Variants in ATAD5 observed in about 807,000 individuals in gnomAD.
ATAD5 encodes the protein ATPase family AAA domain-containing protein 5.
Under a neutral mutation model 176.9 loss-of-function variants are expected in ATAD5, and 58 were observed. The ratio of observed to expected loss-of-function variants is 0.33; its 90% CI spans 0.27 to 0.41. The LOEUF is 0.41. Among genes scored for constraint, ATAD5 ranks in the 10% least tolerant of loss-of-function variants. ATAD5 has a pLI of 1.00. For synonymous variants in ATAD5, 640 were observed against 712.6 expected (o/e 0.90, Z 1.62); for missense variants, 1,789 against 2,094.1 (o/e 0.85, Z 2.84).
At chr17:30,884,748 T>C (rs1436951263) in intron 18 of ATAD5, among the ~76,000 whole-genome samples, 5 of 73,626 alleles carry the variant, frequency 6.8e-5, no homozygotes, top group African/African-American at 3.4e-4. Context: ...TATTTCTTTT[T>C]CTTTTTTTTT....
At position 30,846,776 on chromosome 17, in the gene ATAD5, G is replaced by A. The variant is rs545312108; in HGVS notation, c.2450+1860G>A. ...GCTCTTGTTGCCCAGGCTGGAGTGC[G>A]ATGGTGTGATATCAGCTCACCGCAA... On this transcript the variant is annotated intron_variant, in intron 6 of 22. Transcript: ENST00000321990. 6.8e-5 allele frequency among the ~76,000 whole-genome samples: 10 copies of A among 148,042 alleles called. No individual in the cohort carries two copies. The South Asian group carries it at 8.6e-4, about 13-fold the overall frequency.
intron 6 of ATAD5, among the ~76,000 whole-genome samples, chr17:30,845,541 T>C (rs1488536385): frequency 1.3e-5 from 2 of 152,114 alleles, no homozygotes; most frequent in African/African-American, 4.8e-5. Context: ...ACTGATAGAA[T>C]GCTAGTGTGA....
At chr17:30,848,865 C>T (rs1906695400) in intron 6 of ATAD5, among the ~76,000 whole-genome samples, 1 of 151,856 alleles carries the variant, frequency 6.6e-6, no homozygotes, top group South Asian at 2.1e-4. Flanking sequence ...CATTAGTTTT[C>T]TTTTTCTTTT....
At chr17:30,889,570 T>C (rs1443768112) in intron 19 of ATAD5, among the ~76,000 whole-genome samples, 1 of 151,918 alleles carries the variant, frequency 6.6e-6, no homozygotes, top group Non-Finnish European at 1.5e-5. Flanking sequence ...CTTTCCTAAA[T>C]ACTTTATTAT....
chr17:30,842,381 A>C (rs577623739), intron 4 of ATAD5, among the ~76,000 whole-genome samples: 2 of 152,170 alleles, frequency 1.3e-5, no homozygotes, highest in African/African-American at 4.8e-5. Flanking sequence ...CCTGATATGT[A>C]CTTTTGTATA....
At chr17:30,864,842 A>G (rs548501149) in intron 10 of ATAD5, 1 of 151,864 alleles carries the variant, frequency 6.6e-6, no homozygotes, top group African/African-American at 2.4e-5. Flanking sequence ...TTATGGCTGC[A>G]TACTATCCCA....
intron 1 of ATAD5, 38 bp downstream of exon 1, chr17:30,832,451 T>G (rs972354528): frequency 1.3e-6 from 2 of 1,486,544 alleles, no homozygotes; most frequent in Admixed American, 2.2e-5. Flanking sequence ...TTCCTTCCTC[T>G]ATCTTTTGGG....
intron 9 of ATAD5, among the ~76,000 whole-genome samples, chr17:30,860,056 C>T (rs1413996505): frequency 1.3e-5 from 2 of 151,896 alleles, no homozygotes; most frequent in Non-Finnish European, 2.9e-5. Context: ...CAGGGTCTCA[C>T]TTTGTCGCCC....
At position 30,843,972 on chromosome 17, in the gene ATAD5, G is replaced by A; in HGVS notation, c.2301G>A (p.Gln767=). The change falls in exon 5 of 23, where the codon CAG becomes CAA. Residue 767 remains glutamine (Q), a synonymous_variant. Coordinates refer to ENST00000321990, the MANE Select transcript of ATAD5 (RefSeq NM_024857.5). The part of the protein sequence containing the change: ...PTALKHPEKN[Q]KKLQCLNDVL... Reference sequence around the variant, plus strand: ...CTTTAAAGCATCCAGAGAAAAATCAGAAGAAACTTCAGTGTTTGAATGATG... The same window carrying A: ...CTTTAAAGCATCCAGAGAAAAATCAAAAGAAACTTCAGTGTTTGAATGATG... 3.2e-6 allele frequency: 5 copies of A among 1,551,808 alleles called. No individual in the cohort carries two copies. The highest frequency in any genetic ancestry group is 4.4e-6 in the Non-Finnish European group (5 of 1,144,624).
chr17:30,847,417 G>A (rs1041769592), intron 6 of ATAD5, among the ~76,000 whole-genome samples: 1 of 151,678 alleles, frequency 6.6e-6, no homozygotes, highest in African/African-American at 2.4e-5. Context: ...TGTAACCTCC[G>A]CTTCCTGGGT....
intron 6 of ATAD5, among the ~76,000 whole-genome samples, chr17:30,851,676 G>A (rs182820206): frequency 3.3e-5 from 5 of 151,918 alleles, no homozygotes; most frequent in African/African-American, 7.3e-5. Flanking sequence ...TCCGCCTCCC[G>A]GGTTCAAGTG....
chr17:30,874,705 A>T (rs1225718479), intron 14 of ATAD5, among the ~76,000 whole-genome samples: 1 of 150,568 alleles, frequency 6.6e-6, no homozygotes. Context: ...ATCTCAGCTC[A>T]CTGCAACCTC....
intron 10 of ATAD5, among the ~76,000 whole-genome samples, chr17:30,861,179 C>T (rs1165274786): frequency 6.6e-6 from 1 of 150,864 alleles, no homozygotes; most frequent in East Asian, 2.0e-4. Context: ...AACTCCTGAC[C>T]TCAGGTGATC....
chr17:30,858,406 A>G (rs1448445084), intron 9 of ATAD5, 83 bp downstream of exon 9: 1 of 1,041,048 alleles, frequency 9.6e-7, no homozygotes, highest in Non-Finnish European at 1.2e-6. Context: ...TATTTCTGAG[A>G]CGGAGTTTTG....
chr17:30,870,785 T>C (rs73263753), intron 14 of ATAD5, among the ~76,000 whole-genome samples: 67 of 152,300 alleles, frequency 4.4e-4, no homozygotes, highest in African/African-American at 1.5e-3. Flanking sequence ...ATATATATAA[T>C]ATGTTTCACC....
chr17:30,889,475 G>A lies in ATAD5; in HGVS notation c.4258+2103G>A, dbSNP rs935674639. Among the ~76,000 whole-genome samples the A allele has an allele frequency of 5.5e-4, 83 of 150,374 alleles. 1 individual carries two copies. Among genetic ancestry groups the A allele is most frequent in the African/African-American group, 2.0e-3 (81 of 40,272 alleles). On this transcript the variant is annotated intron_variant, in intron 19 of 22. Transcript: ENST00000321990. Reference sequence around the variant, plus strand: ...ACTAAAAACATTAATTTTTCTATATGAGTATATATATATATAGGTATATAG... The same window carrying A: ...ACTAAAAACATTAATTTTTCTATATAAGTATATATATATATAGGTATATAG...
chr17:30,849,286 G>A (rs994844255), intron 6 of ATAD5, among the ~76,000 whole-genome samples: 8 of 152,074 alleles, frequency 5.3e-5, no homozygotes, highest in Admixed American at 4.6e-4. Context: ...TATAAGAGAT[G>A]GAGTCTTGCT....
intron 6 of ATAD5, among the ~76,000 whole-genome samples, chr17:30,849,536 C>A (rs992212167): frequency 6.6e-6 from 1 of 152,084 alleles, no homozygotes; most frequent in African/African-American, 2.4e-5. Context: ...TTTTAATTTT[C>A]ATTTTTCTCA....
chr17:30,845,046 A>G (rs968791108), intron 6 of ATAD5, 130 bp downstream of exon 6: 19 of 833,104 alleles, frequency 2.3e-5, no homozygotes, highest in Middle Eastern at 3.7e-4. Flanking sequence ...CAAAGTTGAC[A>G]ATATTGACAG....
Sources: gnomAD v4.1 joint callset for allele counts (sites outside exome capture counted in the v4.1 genomes callset) on GRCh38, gnomAD v4.1.1 for gene constraint, MANE v1.5 for transcripts, NCBI Gene and HGNC (gene_info 2026-07-23, HGNC 2026-07-21) for gene names.